Variants in SLCO1B1 observed in about 807,000 individuals in gnomAD.
The protein encoded by SLCO1B1 is OATP-2.
SLCO1B1 carries 81 observed loss-of-function variants against 70.1 expected under a neutral mutation model. The ratio of observed to expected loss-of-function variants is 1.16; its 90% CI spans 0.97 to 1.39. SLCO1B1 has a LOEUF of 1.39. Ranked by LOEUF, SLCO1B1 falls within the 40% of genes most tolerant of loss-of-function variation. The probability of loss-of-function intolerance (pLI) is 0.00; values close to 1 mark genes in which losing one functional copy is unlikely to be tolerated. For synonymous variants in SLCO1B1, 283 were observed against 271.5 expected, an observed-to-expected ratio of 1.04 and a Z score of -0.42; for missense variants, 895 against 799.6, an observed-to-expected ratio of 1.12 and a Z score of -1.44.
chr12:21,194,644 G>A (rs1941071159), intron 7 of SLCO1B1, among the ~76,000 whole-genome samples: 1 of 152,066 alleles, frequency 6.6e-6, no homozygotes. Context: ...CCAAGCTCTT[G>A]TAAGCTCTGC....
chr12:21,229,115 T>C (rs550481614), intron 14 of SLCO1B1, among the ~76,000 whole-genome samples: 2 of 152,246 alleles, frequency 1.3e-5, no homozygotes, highest in South Asian at 4.2e-4. Flanking sequence ...CACAGTAAAA[T>C]TGAGGAGAAA....
intron 11 of SLCO1B1, among the ~76,000 whole-genome samples, chr12:21,215,049 A>C (rs915672105): frequency 6.6e-6 from 1 of 152,234 alleles, no homozygotes; most frequent in Admixed American, 6.5e-5. Context: ...TGGGAGCTGT[A>C]GACCGGAGCT....
At chr12:21,135,003 A>G (rs992207473) in intron 1 of SLCO1B1, among the ~76,000 whole-genome samples, 1 of 152,078 alleles carries the variant, frequency 6.6e-6, no homozygotes, top group Non-Finnish European at 1.5e-5. Flanking sequence ...ACACTGCTTT[A>G]AATGTGTCCC....
At chr12:21,236,468 T>C (rs1251515136) in intron 14 of SLCO1B1, among the ~76,000 whole-genome samples, 2 of 152,116 alleles carry the variant, frequency 1.3e-5, no homozygotes, top group African/African-American at 4.8e-5. Context: ...GATAGAAAGG[T>C]GGTGCAGCTG....
intron 1 of SLCO1B1, among the ~76,000 whole-genome samples, chr12:21,133,401 G>T (rs928426331): frequency 2.0e-5 from 3 of 152,118 alleles, no homozygotes; most frequent in Admixed American, 1.3e-4. Flanking sequence ...GGATGGCATT[G>T]AATCTATAAA....
Position 21,205,876 on chromosome 12 carries a change from C to T in SLCO1B1, c.1340C>T (p.Pro447Leu). Residue 447 changes from proline to leucine, a missense_variant, in exon 11 of 15, where the codon CCA (proline) becomes CTA (leucine). Pro to Leu is a moderately conservative substitution (Grantham distance 98). Coordinates refer to ENST00000256958, the MANE Select transcript of SLCO1B1 (RefSeq NM_006446.5). ...GLTMTYDGNN[P>L]VTSHRDVPLS... ...CTATCATATATTTCCAGAAATAATC[C>T]AGTGACATCTCATAGAGATGTACCA... 6.2e-7 allele frequency: 1 copy of T among 1,604,782 alleles called. No homozygotes were observed. The highest frequency in any genetic ancestry group is 8.5e-7 in the Non-Finnish European group (1 of 1,172,822).
rs4149025 is a variant in SLCO1B1 at position 21,157,075 on chromosome 12, A to T, written c.84+15417A>T. Among the ~76,000 whole-genome samples, 3,637 of 152,282 alleles carry T rather than the reference A, an allele frequency of 0.024. 359 individuals carry two copies. The East Asian group carries it at 0.32, about 14-fold the overall frequency. On this transcript the variant is annotated intron_variant, in intron 2 of 14. Coordinates refer to ENST00000256958, the MANE Select transcript of SLCO1B1 (RefSeq NM_006446.5). ...TGACCTTCTAAAATAAGTAAGCTAA[A>T]TATTCTATATTATACTACTATTTAT...
intron 1 of SLCO1B1, among the ~76,000 whole-genome samples, chr12:21,134,883 A>G (rs1940196024): frequency 1.3e-5 from 2 of 152,010 alleles, no homozygotes; most frequent in South Asian, 4.2e-4. Flanking sequence ...TAGCTTTTGA[A>G]TGTGTTTGCT....
At chr12:21,167,795 T>C (rs530754053) in intron 2 of SLCO1B1, among the ~76,000 whole-genome samples, 36 of 151,754 alleles carry the variant, frequency 2.4e-4, no homozygotes, top group African/African-American at 8.4e-4. Flanking sequence ...ACTTTAAATA[T>C]TTCTTTCTTT....
chr12:21,158,322 ATAAT>A (rs1360546548), intron 2 of SLCO1B1, among the ~76,000 whole-genome samples: 6 of 152,244 alleles, frequency 3.9e-5, no homozygotes, highest in Non-Finnish European at 8.8e-5. Flanking sequence ...AATTCAAAAA[ATAAT>A]TAATTCAATA....
chr12:21,227,839 T>C (rs1292323935), intron 14 of SLCO1B1, among the ~76,000 whole-genome samples: 1 of 152,112 alleles, frequency 6.6e-6, no homozygotes, highest in African/African-American at 2.4e-5. Context: ...TTCCTTTTTG[T>C]TCAGTGAAGG....
chr12:21,208,938 G>A (rs1941245582), intron 11 of SLCO1B1, among the ~76,000 whole-genome samples: 1 of 151,906 alleles, frequency 6.6e-6, no homozygotes, highest in Non-Finnish European at 1.5e-5. Context: ...TGTTATCGGT[G>A]TATAGAAATG....
At chr12:21,222,413 TATATATATATATATAC>T (rs757696942) in intron 13 of SLCO1B1, 49 bp downstream of exon 13, 38 of 174,344 alleles carry the variant, frequency 2.2e-4, no homozygotes, top group South Asian at 1.6e-3. Flanking sequence ...TATATATATA[TATATATATATATATAC>T]ACACACACAT....
At chr12:21,165,624 A>G (rs1940674792) in intron 2 of SLCO1B1, among the ~76,000 whole-genome samples, 1 of 152,174 alleles carries the variant, frequency 6.6e-6, no homozygotes, top group African/African-American at 2.4e-5. Flanking sequence ...ATCCAATGTG[A>G]TAGTATTTGG....
intron 1 of SLCO1B1, among the ~76,000 whole-genome samples, chr12:21,141,099 T>C (rs1034047243): frequency 1.3e-5 from 2 of 151,978 alleles, no homozygotes; most frequent in African/African-American, 4.8e-5. Flanking sequence ...CTGTTTTGAA[T>C]ATCTACTCTG....
intron 13 of SLCO1B1, 28 bp downstream of exon 13, chr12:21,222,392 AAAAAAATATAT>A (rs1941434741): frequency 7.7e-6 from 2 of 260,052 alleles, no homozygotes; most frequent in Admixed American, 7.7e-5. Context: ...AAAAAAAAAA[AAAAAAATATAT>A]ATATATATAT....
At chr12:21,192,291 G>C (rs1396410544) in intron 7 of SLCO1B1, among the ~76,000 whole-genome samples, 1 of 151,758 alleles carries the variant, frequency 6.6e-6, no homozygotes, top group Non-Finnish European at 1.5e-5. Context: ...ATTTTTACTG[G>C]TTGTAAATCT....
In SLCO1B1 at chr12:21,204,977, G is replaced by A. The variant is rs373819922; in HGVS notation, c.1332-891G>A. ...GGGGGCCACAAACATTCTGACTATA[G>A]TAGTCATAAACCATTCTACTTAACC... On this transcript the variant is annotated intron_variant, in intron 10 of 14. Transcript: ENST00000256958. Among the ~76,000 whole-genome samples the A allele has an allele frequency of 2.0e-5, 3 of 151,762 alleles. 1 individual carries two copies. Among genetic ancestry groups the A allele is most frequent in the Admixed American group, 6.6e-5 (1 of 15,164 alleles).
chr12:21,186,601 G>C (rs1940964422), intron 7 of SLCO1B1, among the ~76,000 whole-genome samples: 1 of 151,886 alleles, frequency 6.6e-6, no homozygotes, highest in Non-Finnish European at 1.5e-5. Flanking sequence ...ATATAATGCA[G>C]ATTGAGGTCT....
Sources: allele counts gnomAD v4.1 joint callset (sites outside exome capture counted in the v4.1 genomes callset), GRCh38; gene constraint gnomAD v4.1.1; transcripts MANE v1.5; gene names NCBI Gene and HGNC (gene_info 2026-07-23, HGNC 2026-07-21).